Variants in CELF4 observed in about 807,000 individuals in gnomAD.
CELF4 encodes CUG-BP- and ETR-3-like factor 4.
In CELF4, 18 loss-of-function variants were observed where a neutral mutation model predicts 59.9. The ratio of observed to expected loss-of-function variants is 0.30; its 90% confidence interval spans 0.21 to 0.45. The LOEUF (loss-of-function observed/expected upper bound fraction) is 0.45. Ranked by LOEUF, CELF4 falls within the 20% of genes least tolerant of loss-of-function variation. The pLI is 1.00. For missense variants in CELF4, 456 were observed against 689.0 expected, an observed-to-expected ratio of 0.66 and a Z score of 3.79; for synonymous variants, 261 against 267.1, an observed-to-expected ratio of 0.98 and a Z score of 0.22.
At chr18:37,294,555 C>T (rs1254216373) in intron 3 of CELF4, among the ~76,000 whole-genome samples, 2 of 152,216 alleles carry the variant, frequency 1.3e-5, no homozygotes, top group Admixed American at 6.5e-5. Context: ...CCATCATTTT[C>T]CCCCAAATGC....
At position 37,489,995 on chromosome 18, in the gene CELF4, C is replaced by CA. The variant is rs780008787; in HGVS notation, c.287-4389dup. On this transcript the variant is annotated intron_variant, in intron 1 of 12. Coordinates refer to ENST00000420428, the MANE Select transcript of CELF4 (RefSeq NM_020180.4). Reference sequence around the variant, plus strand: ...GATCCAGTGTGGCTGCTTGGAATAGCAAAAAAAAATTAAAAACCACCTAAA... The same window carrying CA: ...GATCCAGTGTGGCTGCTTGGAATAGCAAAAAAAAAATTAAAAACCACCTAAA... Among the ~76,000 whole-genome samples the CA allele has an allele frequency of 1.2e-3, 174 of 150,622 alleles. 1 individual carries two copies. Among genetic ancestry groups the CA allele is most frequent in the Middle Eastern group, 0.01 (3 of 292 alleles).
At chr18:37,364,270 A>G (rs547207462) in intron 2 of CELF4, among the ~76,000 whole-genome samples, 1 of 152,136 alleles carries the variant, frequency 6.6e-6, no homozygotes, top group South Asian at 2.1e-4. Flanking sequence ...TTCTTTACAG[A>G]CATAATGTTC....
At chr18:37,304,204 C>A (rs1206525322) in intron 3 of CELF4, among the ~76,000 whole-genome samples, 1 of 152,262 alleles carries the variant, frequency 6.6e-6, no homozygotes, top group African/African-American at 2.4e-5. Flanking sequence ...GGCATCCATT[C>A]TTTGCCGGAA....
chr18:37,495,697 A>G (rs535538551), intron 1 of CELF4, among the ~76,000 whole-genome samples: 2 of 152,176 alleles, frequency 1.3e-5, no homozygotes, highest in South Asian at 4.1e-4. Flanking sequence ...CATTTTTCAC[A>G]GAGGGAGTGC....
chr18:37,274,135 T>G, intron 6 of CELF4, 176 bp downstream of exon 6: 1 of 1,416,782 alleles, frequency 7.1e-7, no homozygotes, highest in East Asian at 2.7e-5. Flanking sequence ...GGGCCAGCCT[T>G]CTTTCAAACC....
In CELF4 at chr18:37,321,875, G is replaced by A. The variant is rs769258928; in HGVS notation, c.376C>T (p.Arg126Trp). The A allele has an allele frequency of 5.6e-6, 9 of 1,612,954 alleles. No homozygotes were observed. Among genetic ancestry groups the A allele is most frequent in the African/African-American group, 1.3e-5 (1 of 75,034 alleles). ...TCCGCAGGCTTCACCTGGATCGGCC[G>A]GTTCATCTGCAACAGAGCAGAGGGG... is the stretch of plus-strand genomic sequence containing the variant. ...HEQKTLPGMNRPIQVKPADSE... is the reference protein window; with the variant it reads ...HEQKTLPGMNWPIQVKPADSE... Residue 126 changes from arginine to tryptophan, a missense_variant, in exon 3 of 13, where the codon CGG becomes TGG. Physicochemically the swap from Arg to Trp is moderately radical, Grantham distance 101. Around this residue, in one of 7 missense-constraint regions of CELF4, gnomAD observed 63 missense variants for 110.6 expected, o/e 0.57. Transcript: ENST00000420428.
intron 2 of CELF4, among the ~76,000 whole-genome samples, chr18:37,390,811 G>GGA (rs2099152619): frequency 7.3e-6 from 1 of 137,524 alleles, no homozygotes; most frequent in African/African-American, 2.7e-5. Context: ...GCGGGGAGGG[G>GGA]GGGCAGTGCT....
At chr18:37,351,820 G>T (rs1468730246) in intron 2 of CELF4, among the ~76,000 whole-genome samples, 1 of 151,950 alleles carries the variant, frequency 6.6e-6, no homozygotes, top group African/African-American at 2.4e-5. Context: ...TGCCATCTTA[G>T]CGAGGCTGGT....
intron 10 of CELF4, 82 bp downstream of exon 10, chr18:37,264,591 AC>A: frequency 8.3e-7 from 1 of 1,201,470 alleles, no homozygotes. Flanking sequence ...TCCAACGCAC[AC>A]CCCAGCCCAA....
chr18:37,401,439 A>G (rs2099325689), intron 2 of CELF4, among the ~76,000 whole-genome samples: 2 of 152,188 alleles, frequency 1.3e-5, no homozygotes, highest in African/African-American at 4.8e-5. Context: ...GGACTCAGGA[A>G]AGTGCCTTTC....
At chr18:37,521,817 G>A (rs1433773490) in intron 1 of CELF4, among the ~76,000 whole-genome samples, 2 of 152,218 alleles carry the variant, frequency 1.3e-5, no homozygotes, top group Non-Finnish European at 1.5e-5. Flanking sequence ...ATGCAGGCAG[G>A]AAGGCTTGAG....
intron 1 of CELF4, among the ~76,000 whole-genome samples, chr18:37,514,402 A>C (rs1219973743): frequency 6.6e-6 from 1 of 152,192 alleles, no homozygotes; most frequent in African/African-American, 2.4e-5. Flanking sequence ...AGTATGGCAC[A>C]TCACCAGCAA....
intron 2 of CELF4, among the ~76,000 whole-genome samples, chr18:37,463,992 G>A (rs188987855): frequency 1.4e-3 from 214 of 152,086 alleles, no homozygotes; most frequent in Non-Finnish European, 2.4e-3. Context: ...CCTGCCACCC[G>A]CAGACTCCCA....
At chr18:37,430,166 G>T (rs1032998199) in intron 2 of CELF4, among the ~76,000 whole-genome samples, 4 of 152,092 alleles carry the variant, frequency 2.6e-5, no homozygotes, top group Non-Finnish European at 5.9e-5. Flanking sequence ...CTGACTTTGT[G>T]GGCAGGAACC....
chr18:37,298,841 C>T (rs1025742836), intron 3 of CELF4, among the ~76,000 whole-genome samples: 1 of 152,132 alleles, frequency 6.6e-6, no homozygotes, highest in Non-Finnish European at 1.5e-5. Context: ...AAGCGGGGCC[C>T]GGTCCTGACC....
At chr18:37,480,941 G>T (rs1251412624) in intron 2 of CELF4, among the ~76,000 whole-genome samples, 2 of 152,228 alleles carry the variant, frequency 1.3e-5, no homozygotes, top group Admixed American at 1.3e-4. Flanking sequence ...GACAGTCTGA[G>T]ATAGCGGTGC....
chr18:37,382,010 G>T (rs148609478), intron 2 of CELF4, among the ~76,000 whole-genome samples: 9 of 152,212 alleles, frequency 5.9e-5, no homozygotes, highest in African/African-American at 2.2e-4. Flanking sequence ...CCTGAAAGTT[G>T]TAACTAGAGT....
intron 2 of CELF4, among the ~76,000 whole-genome samples, chr18:37,446,351 G>A (rs1222853828): frequency 1.3e-5 from 2 of 152,180 alleles, no homozygotes; most frequent in African/African-American, 4.8e-5. Flanking sequence ...GTCGAGCCAG[G>A]CCTGGGTGAC....
intron 3 of CELF4, among the ~76,000 whole-genome samples, chr18:37,278,402 G>T (rs1196597044): frequency 6.6e-6 from 1 of 152,200 alleles, no homozygotes; most frequent in Non-Finnish European, 1.5e-5. Flanking sequence ...CTCCAGTTGG[G>T]TATTGTGGCT....
Sources: allele counts gnomAD v4.1 joint callset (sites outside exome capture counted in the v4.1 genomes callset), GRCh38; gene constraint gnomAD v4.1.1; regional missense constraint gnomAD v4.1.1; transcripts MANE v1.5; gene names NCBI Gene and HGNC (gene_info 2026-07-23, HGNC 2026-07-21).